SYNE2: variants seen among roughly 807,000 people sequenced by gnomAD.
SYNE2 encodes nesprin-2.
Under a neutral mutation model 856.3 loss-of-function variants are expected in SYNE2, and 431 were observed. The observed-to-expected ratio is 0.50, with a 90% CI of 0.47 to 0.55. The LOEUF is 0.55. Ranked by LOEUF, SYNE2 falls within the 20% of genes least tolerant of loss-of-function variation. SYNE2 has a pLI of 0.00. For synonymous variants in SYNE2, 2,923 were observed against 2,872.3 expected (o/e 1.02, Z -0.56); for missense variants, 8,129 against 8,023.2 (o/e 1.01, Z -0.50).
At chr14:64,135,598 T>C (rs956405263) in intron 78 of SYNE2, among the ~76,000 whole-genome samples, 1 of 152,208 alleles carries the variant, frequency 6.6e-6, no homozygotes, top group African/African-American at 2.4e-5. Flanking sequence ...AACAGTATTT[T>C]AAGGCTTATT....
In SYNE2 at chr14:64,136,776, C is replaced by T. The variant is rs1243133631; in HGVS notation, c.14647-1011C>T. Among the ~76,000 whole-genome samples the T allele has an allele frequency of 2.6e-5, 4 of 152,122 alleles. No homozygotes were observed. In the East Asian group the frequency reaches 7.7e-4, roughly 29 times the overall value. On this transcript the variant is annotated intron_variant, in intron 78 of 115. Transcript: ENST00000555002. ...GAAATGAATTTTTCTGCCTAGTATT[C>T]GCATCTCATGGATAATAGAGAAATA...
In SYNE2 at chr14:63,896,627, C is replaced by A. The variant is rs1228595154; in HGVS notation, c.-51-12471C>A. Among the ~76,000 whole-genome samples the A allele has an allele frequency of 2.0e-5, 3 of 152,142 alleles. No individual in the cohort carries two copies. The East Asian group carries it at 5.8e-4, about 29-fold the overall frequency. On this transcript the variant is annotated intron_variant, in intron 1 of 115. Coordinates refer to ENST00000555002, the MANE Select transcript of SYNE2 (RefSeq NM_182914.3). Reference sequence around the variant, plus strand: ...TCATTTAACAGATGAAGAAACAGGACCTTGGAGAAGCTGATGATTGCCCAA... The same window carrying A: ...TCATTTAACAGATGAAGAAACAGGAACTTGGAGAAGCTGATGATTGCCCAA...
chr14:63,995,522 T>C (rs1240159930), intron 23 of SYNE2, among the ~76,000 whole-genome samples: 2 of 152,232 alleles, frequency 1.3e-5, no homozygotes, highest in African/African-American at 4.8e-5. Flanking sequence ...GGACACAGTG[T>C]CCTCAGAAGC....
intron 1 of SYNE2, among the ~76,000 whole-genome samples, chr14:63,795,566 G>T (rs1431954521): frequency 6.6e-6 from 1 of 152,014 alleles, no homozygotes; most frequent in Non-Finnish European, 1.5e-5. Flanking sequence ...TCCCTCTAGA[G>T]AACTAATACA....
At chr14:64,041,610 A>G (rs2097148843) in intron 45 of SYNE2, among the ~76,000 whole-genome samples, 1 of 152,156 alleles carries the variant, frequency 6.6e-6, no homozygotes, top group African/African-American at 2.4e-5. Flanking sequence ...GCACTTTGGG[A>G]GGCTGAGGCA....
At chr14:64,064,539 T>C (rs2097342763) in intron 50 of SYNE2, among the ~76,000 whole-genome samples, 1 of 141,440 alleles carries the variant, frequency 7.1e-6, no homozygotes, top group African/African-American at 2.6e-5. Flanking sequence ...GTTGTACTTT[T>C]AGATTTTTTT....
Position 64,212,013 on chromosome 14 carries a change from T to C in SYNE2, c.18776T>C (p.Val6259Ala), listed in dbSNP as rs2098643899. Residue 6259 changes from valine (V) to alanine (A), a missense_variant, in exon 104 of 116, where the codon GTG becomes GCG. Transcript: ENST00000555002. ...EFEGTRESIL[V>A]WLTEMDLQLT... ...GAGGGCACCAGGGAGAGCATTCTGG[T>C]GTGGCTCACAGAGATGGACCTGCAG... 1.9e-6 allele frequency: 3 copies of C among 1,614,184 alleles called. No homozygotes were observed. Among genetic ancestry groups the C allele is most frequent in the Non-Finnish European group, 2.5e-6 (3 of 1,180,032 alleles).
Position 64,078,506 on chromosome 14 carries a change from TGAG to T in SYNE2, c.11067_11069del (p.Arg3690del). 6.2e-7 allele frequency: 1 copy of T among 1,614,088 alleles called. No homozygotes were observed. Among genetic ancestry groups the T allele is most frequent in the South Asian group, 1.1e-5 (1 of 91,086 alleles). On this transcript the variant is annotated inframe_deletion, in exon 55 of 116. Coordinates refer to ENST00000555002, the MANE Select transcript of SYNE2 (RefSeq NM_182914.3). Reference sequence around the variant, plus strand: ...TTAAAAAGCTCACCATCATATGCAATGAGGAGAAAAATAGAAGAAATTAACAAT... The same window carrying T: ...TTAAAAAGCTCACCATCATATGCAATGAGAAAAATAGAAGAAATTAACAAT...
chr14:64,086,828 G>A (rs1338405565), intron 57 of SYNE2, among the ~76,000 whole-genome samples: 1 of 148,122 alleles, frequency 6.8e-6, no homozygotes, highest in Non-Finnish European at 1.5e-5. Context: ...TCCTGCCTCA[G>A]CCTCCTGAGT....
chr14:63,774,941 T>C (rs1887055862), intron 1 of SYNE2, among the ~76,000 whole-genome samples: 1 of 152,042 alleles, frequency 6.6e-6, no homozygotes, highest in South Asian at 2.1e-4. Flanking sequence ...AATCTGCCAG[T>C]ATTTTAATTT....
intron 78 of SYNE2, 93 bp downstream of exon 78, chr14:64,134,293 G>T: frequency 1.5e-6 from 2 of 1,325,920 alleles, no homozygotes; most frequent in Non-Finnish European, 2.2e-6. Flanking sequence ...TGGAAGGTTT[G>T]AATTGAAACA....
chr14:63,927,006 G>C (rs2095675341), intron 2 of SYNE2, among the ~76,000 whole-genome samples: 1 of 152,202 alleles, frequency 6.6e-6, no homozygotes, highest in South Asian at 2.1e-4. Context: ...AGCTTGTAAA[G>C]GTCCTGAAAG....
In SYNE2 at chr14:64,214,903, C is replaced by G. The variant is rs560432012; in HGVS notation, c.19334-383C>G. Among the ~76,000 whole-genome samples, 13 of 152,258 alleles carry G rather than the reference C, an allele frequency of 8.5e-5. No individual in the cohort carries two copies. The South Asian group carries it at 2.7e-3, about 32-fold the overall frequency. On this transcript the variant is annotated intron_variant, in intron 106 of 115. Coordinates refer to ENST00000555002, the MANE Select transcript of SYNE2 (RefSeq NM_182914.3). ...TATAGGTACACGCCACCACACCCAGCTAGTTTTTAAATTTTTTGTAGAAAC... is the reference window on the plus strand; with the variant it reads ...TATAGGTACACGCCACCACACCCAGGTAGTTTTTAAATTTTTTGTAGAAAC...
intron 18 of SYNE2, among the ~76,000 whole-genome samples, chr14:63,985,726 T>A (rs773077230): frequency 6.6e-6 from 1 of 152,214 alleles, no homozygotes; most frequent in Non-Finnish European, 1.5e-5. Context: ...TTTGAAGTGT[T>A]ATCATTGGCC....
rs548201227 is a variant in SYNE2, at chr14:63,773,633, C to T, written c.-305+11647C>T. On this transcript the variant is annotated intron_variant, in intron 1 of 23. Coordinates refer to the SYNE2 transcript ENST00000674003. ...TGATTATTTACAAGTGCAATCATAC[C>T]ATGCTATAGACTGAAACTCCTCGGT... 2.6e-5 allele frequency among the ~76,000 whole-genome samples: 4 copies of T among 152,248 alleles called. No individual in the cohort carries two copies. In the South Asian group the frequency reaches 8.3e-4, roughly 32 times the overall value.
intron 2 of SYNE2, among the ~76,000 whole-genome samples, chr14:63,924,834 G>T (rs73269814): frequency 0.63 from 35,157 of 55,528 alleles, 9,107 homozygotes; most frequent in South Asian, 0.67. Flanking sequence ...CAGCCTTGGT[G>T]TTTTTTTTTT....
chr14:63,858,332 G>A (rs1356702708), intron 1 of SYNE2, among the ~76,000 whole-genome samples: 3 of 140,016 alleles, frequency 2.1e-5, no homozygotes, highest in African/African-American at 8.1e-5. Flanking sequence ...GTGTTGGCCA[G>A]GATGGTCTTG....
At chr14:63,801,187 C>T (rs1053904875) in intron 1 of SYNE2, among the ~76,000 whole-genome samples, 5 of 151,962 alleles carry the variant, frequency 3.3e-5, no homozygotes, top group Non-Finnish European at 7.4e-5. Flanking sequence ...ATGACACATG[C>T]TACACAGAGA....
intron 61 of SYNE2, chr14:64,095,122 C>G (rs1272569307): frequency 5.9e-6 from 1 of 170,324 alleles, no homozygotes; most frequent in Non-Finnish European, 1.5e-5. Context: ...ACCTAATGGA[C>G]AGATGTGGGT....
Sources: gnomAD v4.1 joint callset for allele counts (sites outside exome capture counted in the v4.1 genomes callset) on GRCh38, gnomAD v4.1.1 for gene constraint, MANE v1.5 for transcripts, NCBI Gene and HGNC (gene_info 2026-07-23, HGNC 2026-07-21) for gene names.